CORO7: variants seen among roughly 807,000 people sequenced by gnomAD.
CORO7 encodes coronin 7.
In CORO7, 107 loss-of-function variants were observed where a neutral mutation model predicts 126.6. The ratio of observed to expected loss-of-function variants is 0.85; its 90% CI spans 0.72 to 0.99. CORO7 has a LOEUF of 0.99. Ranked by LOEUF, CORO7 falls within the 50% of genes least tolerant of loss-of-function variation. The pLI is 0.00. For missense variants in CORO7, 1,314 were observed against 1,255.8 expected, an observed-to-expected ratio of 1.05 and a Z score of -0.70; for synonymous variants, 603 against 536.8, an observed-to-expected ratio of 1.12 and a Z score of -1.70.
rs200760696 is a variant in CORO7, at chr16:4,364,691, T to G, written c.1045-2A>C. The stretch of plus-strand genomic sequence containing the variant: ...CAGGTCCTCGTGGAACTCCACAGCC[T>G]GGCCGCAGACAAGCAGGCAGCTAGT... On this transcript the variant is annotated splice_acceptor_variant, in intron 12 of 27. Transcript: ENST00000251166. LOFTEE classifies it high-confidence loss of function. The G allele has an allele frequency of 6.3e-7, 1 of 1,584,252 alleles. No homozygotes were observed. The highest frequency in any genetic ancestry group is 1.3e-5 in the African/African-American group (1 of 74,608).
rs543226131 is a variant in CORO7 at position 4,355,303 on chromosome 16, C to T, written c.2755G>A (p.Val919Met). 9.9e-6 allele frequency: 16 copies of T among 1,613,362 alleles called. No individual in the cohort carries two copies. The highest frequency in any genetic ancestry group is 8.3e-5 in the Admixed American group (5 of 59,978). Residue 919 changes from valine (V) to methionine (M), a missense_variant, in exon 27 of 28, where the codon GTG becomes ATG. By Grantham distance (21) the Val-to-Met change is conservative (BLOSUM62 1). Transcript: ENST00000251166. The part of the protein sequence containing the change: ...DPLPQDSFEG[V>M]DEDEWD ...CTACTCACCCACTCGTCCTCGTCCA[C>T]GCCTTCAAAGGAGTCCTGGGGGAGT...
chr16:4,366,265 G>A (rs535422987), intron 9 of CORO7, among the ~76,000 whole-genome samples: 31 of 152,306 alleles, frequency 2.0e-4, no homozygotes, highest in Non-Finnish European at 3.5e-4. Flanking sequence ...GGAGCAGGGC[G>A]GGGTGGCAGC....
chr16:4,396,933 T>G (rs2055614210), intron 6 of CORO7, among the ~76,000 whole-genome samples: 1 of 149,918 alleles, frequency 6.7e-6, no homozygotes, highest in Non-Finnish European at 1.5e-5. Context: ...GGAGAATCGT[T>G]TGAACCTGGG....
chr16:4,364,163 G>T (rs2054272302), intron 14 of CORO7, 113 bp downstream of exon 14: 2 of 1,340,088 alleles, frequency 1.5e-6, no homozygotes, highest in South Asian at 3.9e-5. Flanking sequence ...TCTAGCTTGG[G>T]TGACAGAGTG....
At chr16:4,413,872 C>A (rs926479926) in intron 1 of CORO7, among the ~76,000 whole-genome samples, 1 of 151,832 alleles carries the variant, frequency 6.6e-6, no homozygotes, top group South Asian at 2.1e-4. Flanking sequence ...TCTGTCCCCA[C>A]TCACGAAGTC....
rs542484543 is a variant in CORO7 at position 4,362,301 on chromosome 16, G to A, written c.1403-141C>T. 7.9e-7 allele frequency: 1 copy of A among 1,259,110 alleles called. No homozygotes were observed. The highest frequency in any genetic ancestry group is 2.6e-5 in the East Asian group (1 of 38,698). 78.0% of individuals were successfully genotyped at this position (1,259,110 alleles called of 1,614,324 possible). On this transcript the variant is annotated intron_variant, in intron 15 of 27. Coordinates refer to ENST00000251166, the MANE Select transcript of CORO7 (RefSeq NM_024535.5). This position sits in a 1 kb window ranked among gnomAD's most constrained non-coding sequence, Gnocchi z 5.3. ...CTAGGCCCAGGCCTTTGCTAATCCA[G>A]TGGATGCAACTCGCCCAGGAATAAT... is the stretch of plus-strand genomic sequence containing the variant.
chr16:4,360,446 G>C lies in CORO7; in HGVS notation c.2020C>G (p.Gln674Glu), dbSNP rs778287674. 22 of 1,612,678 alleles carry C rather than the reference G, an allele frequency of 1.4e-5. No homozygotes were observed. The East Asian group carries it at 4.7e-4, about 34-fold the overall frequency. ...CTCCCCAGCCCCTGTGTGCTCACCT[G>C]CAGGGGCTCAGGGCCACTCCGGGGC... ...YRPRSGPEPLQEGPGPKGGRG... is the reference protein window; with the variant it reads ...YRPRSGPEPLEEGPGPKGGRG... Residue 674 changes from glutamine to glutamate, a missense_variant and splice_region_variant, in exon 20 of 28, where the codon CAG becomes GAG. Physicochemically the swap from Gln to Glu is conservative, Grantham distance 29. Transcript: ENST00000251166.
chr16:4,383,070 G>GT, intron 9 of CORO7: 1 of 707,954 alleles, frequency 1.4e-6, no homozygotes, highest in Non-Finnish European at 2.2e-6. Flanking sequence ...CTCCTCATCT[G>GT]TGAGATGCTG....
At chr16:4,373,035 C>T (rs896096970) in intron 9 of CORO7, among the ~76,000 whole-genome samples, 2 of 152,116 alleles carry the variant, frequency 1.3e-5, no homozygotes, top group Non-Finnish European at 2.9e-5. Context: ...AGAGGGGTGG[C>T]CGGGCTGGGA....
At chr16:4,380,736 C>T in intron 9 of CORO7, 4 of 1,046,164 alleles carry the variant, frequency 3.8e-6, no homozygotes, top group Admixed American at 6.2e-5. Context: ...GCACTGGCGA[C>T]CTGACTCATA....
intron 25 of CORO7, 42 bp downstream of exon 25, chr16:4,357,926 C>A: frequency 6.4e-7 from 1 of 1,572,004 alleles, no homozygotes; most frequent in East Asian, 2.3e-5. Flanking sequence ...CTTTCTCCAA[C>A]CCCCATCCCG....
rs2054485592 is a variant in CORO7 at position 4,370,448 on chromosome 16, A to T, written c.786-4903T>A. On this transcript the variant is annotated intron_variant, in intron 9 of 27. Coordinates refer to ENST00000251166, the MANE Select transcript of CORO7 (RefSeq NM_024535.5). ...AATGCAAGCTGGGAAGCCCCATTTT[A>T]ATATGAAACCACCTGATTTTTCAAT... 1.3e-5 allele frequency among the ~76,000 whole-genome samples: 2 copies of T among 152,210 alleles called. 1 individual carries two copies. The highest frequency in any genetic ancestry group is 4.1e-4 in the South Asian group (2 of 4,830).
rs747601448 is a variant in CORO7 at position 4,360,473 on chromosome 16, T to C, written c.1993A>G (p.Arg665Gly). ...AGGGGCTCAGGGCCACTCCGGGGCC[T>C]GTAGACCCGCACACGCCCATCCTTG... The part of the protein sequence containing the change: ...VCKDGRVRVY[R>G]PRSGPEPLQE... Residue 665 changes from arginine to glycine, a missense_variant, in exon 20 of 28, where the codon AGG becomes GGG. By Grantham distance (125) the Arg-to-Gly change is moderately radical. Transcript: ENST00000251166. 8 of 1,612,166 alleles carry C rather than the reference T, an allele frequency of 5.0e-6. No individual in the cohort carries two copies. The Admixed American group carries it at 1.3e-4, about 27-fold the overall frequency.
chr16:4,407,966 G>A (rs1442984127), intron 4 of CORO7, among the ~76,000 whole-genome samples: 1 of 152,218 alleles, frequency 6.6e-6, no homozygotes, highest in East Asian at 1.9e-4. Context: ...CCCACCTGCT[G>A]TCCTCGGGCT....
At chr16:4,361,530 G>C in intron 16 of CORO7, 61 bp from the exon 17 acceptor site, 1 of 1,572,784 alleles carries the variant, frequency 6.4e-7, no homozygotes, top group Non-Finnish European at 8.6e-7. Flanking sequence ...CAGTCCCCAG[G>C]GGCTGCGGGC....
intron 1 of CORO7, chr16:4,415,923 G>A (rs2056392848): frequency 3.0e-6 from 3 of 985,156 alleles, no homozygotes; most frequent in Admixed American, 6.1e-5. Flanking sequence ...GCGGCGAGAG[G>A]AGGAAGCACC....
chr16:4,358,585 G>A lies in CORO7; in HGVS notation c.2341-102C>T. 2.8e-6 allele frequency: 3 copies of A among 1,081,184 alleles called. No homozygotes were observed. In the South Asian group the frequency reaches 4.8e-5, roughly 17 times the overall value. 67.0% of individuals were successfully genotyped at this position (1,081,184 alleles called of 1,614,324 possible). Reference sequence around the variant, plus strand: ...GGCACCCCTCACTTAGGACCACCATGCCTAGGGCCTGTCCCTGGACAGTAA... The same window carrying A: ...GGCACCCCTCACTTAGGACCACCATACCTAGGGCCTGTCCCTGGACAGTAA... On this transcript the variant is annotated intron_variant, in intron 23 of 27. Coordinates refer to ENST00000251166, the MANE Select transcript of CORO7 (RefSeq NM_024535.5).
chr16:4,364,648 G>T lies in CORO7; in HGVS notation c.1086C>A (p.Gly362=). ...FHEDLFPDTA[G]CVPATDPHSW... ...TATGGGGGTCGGTGGCAGGCACACA[G>T]CCGGCAGTGTCCGGGAACAGGTCCT... Residue 362 remains glycine (G), a synonymous_variant, in exon 13 of 28, where the codon GGC becomes GGA. Transcript: ENST00000251166. The T allele has an allele frequency of 6.3e-7, 1 of 1,579,278 alleles. No homozygotes were observed. The highest frequency in any genetic ancestry group is 2.3e-5 in the East Asian group (1 of 43,398).
At chr16:4,389,681 CA>C in intron 7 of CORO7, among the ~76,000 whole-genome samples, 1 of 152,358 alleles carries the variant, frequency 6.6e-6, no homozygotes, top group Middle Eastern at 3.4e-3. Context: ...ACCAAGGCCC[CA>C]CTGCCCTCTC....
Sources: gnomAD v4.1 joint callset for allele counts (sites outside exome capture counted in the v4.1 genomes callset) on GRCh38, gnomAD v4.1.1 for gene constraint, Gnocchi (gnomAD v3.1) non-coding constraint, MANE v1.5 for transcripts, NCBI Gene and HGNC (gene_info 2026-07-23, HGNC 2026-07-21) for gene names.